SETX: variants seen among roughly 807,000 people sequenced by gnomAD.
SETX encodes the protein helicase senataxin.
SETX carries 90 observed loss-of-function variants against 227.2 expected under a neutral mutation model. The ratio of observed to expected loss-of-function variants is 0.40; its 90% CI spans 0.33 to 0.47. SETX has a LOEUF of 0.47. Among genes scored for constraint, SETX ranks in the 20% least tolerant of loss-of-function variants. The pLI, the probability that SETX is intolerant of heterozygous loss-of-function variation, is 0.91. For missense variants in SETX, 3,052 were observed against 3,181.5 expected, an observed-to-expected ratio of 0.96 and a Z score of 0.98; for synonymous variants, 1,210 against 1,113.2, an observed-to-expected ratio of 1.09 and a Z score of -1.73.
chr9:132,302,891 C>T (rs994823401), intron 11 of SETX, among the ~76,000 whole-genome samples: 1 of 152,074 alleles, frequency 6.6e-6, no homozygotes, highest in Non-Finnish European at 1.5e-5. Context: ...AAAAGCAGAC[C>T]TGCAATCAAG....
chr9:132,334,495 C>T, intron 7 of SETX, 113 bp downstream of exon 7: 1 of 1,227,732 alleles, frequency 8.1e-7, no homozygotes, highest in East Asian at 2.4e-5. Flanking sequence ...TATTACTAAA[C>T]CAGAAAAATT....
At chr9:132,273,921 TGA>T (rs1239528268) in intron 23 of SETX, among the ~76,000 whole-genome samples, 1 of 152,132 alleles carries the variant, frequency 6.6e-6, no homozygotes, top group Non-Finnish European at 1.5e-5. Context: ...ACGTTAGCTA[TGA>T]GTTTTTTGTA....
intron 9 of SETX, 28 bp downstream of exon 9, chr9:132,331,024 G>T (rs1160208260): frequency 1.3e-6 from 2 of 1,491,902 alleles, no homozygotes; most frequent in Non-Finnish European, 1.9e-6. Flanking sequence ...CAATAAAATA[G>T]CATCTGAATT....
chr9:132,327,417 G>C lies in SETX; in HGVS notation c.4181C>G (p.Ser1394Ter). ...SDIFVPESDRSDYNCTGGTEV... is the reference protein window; with the variant it reads ...SDIFVPESDR ...AGTTCCTCCTGTACAATTATAATCT[G>C]ACCTATCAGATTCTGGTACAAATAT... Residue 1394 changes from serine (S) to a stop codon, truncating the protein, a stop_gained, in exon 10 of 26, where the codon TCA (serine) becomes TGA (stop). Transcript: ENST00000224140. LOFTEE classifies it high-confidence loss of function. 1 of 1,614,128 alleles carries C rather than the reference G, an allele frequency of 6.2e-7. No individual in the cohort carries two copies. The highest frequency in any genetic ancestry group is 1.3e-5 in the African/African-American group (1 of 75,042).
rs538207621 is a variant in SETX at position 132,331,143 on chromosome 9, A to C, written c.1011-4T>G. The stretch of plus-strand genomic sequence containing the variant: ...GGACTCCGGTTCTAACTTGGTCCTT[A>C]AATATTAAGAATAAATAGAAATTAC... On this transcript the variant is annotated splice_polypyrimidine_tract_variant and splice_region_variant and intron_variant, in intron 8 of 25. Transcript: ENST00000224140. 10 of 1,612,240 alleles carry C rather than the reference A, an allele frequency of 6.2e-6. No individual in the cohort carries two copies. The East Asian group carries it at 1.8e-4, about 29-fold the overall frequency.
chr9:132,271,693 CAAT>C lies in SETX; in HGVS notation c.7199+14_7199+16del. 6.9e-6 allele frequency: 11 copies of C among 1,595,740 alleles called. No homozygotes were observed. The highest frequency in any genetic ancestry group is 9.5e-6 in the Non-Finnish European group (11 of 1,163,280). On this transcript the variant is annotated intron_variant, in intron 24 of 25. Transcript: ENST00000224140. ...AATGTATACAAGTATAAAAGAGCAA[CAAT>C]GACAGTAACTCACCCAATTGAACCT...
At chr9:132,350,289 G>A (rs1848535917) in intron 2 of SETX, among the ~76,000 whole-genome samples, 1 of 152,152 alleles carries the variant, frequency 6.6e-6, no homozygotes, top group Non-Finnish European at 1.5e-5. Flanking sequence ...GGCAGAGGTT[G>A]CAGTGAGCCA....
chr9:132,312,683 ATC>A (rs1328619935), intron 10 of SETX, among the ~76,000 whole-genome samples: 3 of 152,224 alleles, frequency 2.0e-5, no homozygotes, highest in African/African-American at 7.2e-5. Context: ...AATCTGTGTT[ATC>A]TGCTAGTAAG....
chr9:132,298,615 C>T (rs893206693), intron 12 of SETX, among the ~76,000 whole-genome samples: 1 of 152,064 alleles, frequency 6.6e-6, no homozygotes, highest in Non-Finnish European at 1.5e-5. Context: ...CCGAGAAGGT[C>T]TTCCTGATGA....
intron 10 of SETX, among the ~76,000 whole-genome samples, chr9:132,325,125 G>C (rs1258864737): frequency 2.0e-5 from 3 of 152,172 alleles, no homozygotes; most frequent in Non-Finnish European, 4.4e-5. Context: ...GGGAGGCCAA[G>C]GCGGGCAGAT....
At chr9:132,336,014 G>A (rs928690287) in intron 6 of SETX, among the ~76,000 whole-genome samples, 2 of 152,092 alleles carry the variant, frequency 1.3e-5, no homozygotes, top group East Asian at 3.9e-4. Flanking sequence ...GGCCAGGGTG[G>A]GCAGATCACT....
chr9:132,286,561 T>C, intron 17 of SETX, 67 bp from the exon 18 acceptor site: 1 of 1,062,458 alleles, frequency 9.4e-7, no homozygotes, highest in South Asian at 1.3e-5. Context: ...TCCAATGGAC[T>C]ACCTCTAATT....
intron 18 of SETX, among the ~76,000 whole-genome samples, chr9:132,285,708 C>T (rs1051143721): frequency 6.6e-6 from 1 of 150,520 alleles, no homozygotes; most frequent in African/African-American, 2.5e-5. Context: ...GGTGAAACCC[C>T]ATCTCTACTA....
intron 10 of SETX, among the ~76,000 whole-genome samples, chr9:132,316,686 T>C (rs1845988800): frequency 6.6e-6 from 1 of 152,198 alleles, no homozygotes; most frequent in Non-Finnish European, 1.5e-5. Flanking sequence ...CCCACTGATT[T>C]GTGATGTCCT....
chr9:132,277,717 G>A (rs928937800), intron 21 of SETX, among the ~76,000 whole-genome samples: 1 of 146,598 alleles, frequency 6.8e-6, no homozygotes, highest in African/African-American at 2.5e-5. Flanking sequence ...CTGGGAGGTC[G>A]AAGCTGCAGT....
chr9:132,300,229 G>A (rs1844910972), intron 12 of SETX, among the ~76,000 whole-genome samples: 2 of 151,890 alleles, frequency 1.3e-5, no homozygotes, highest in Non-Finnish European at 2.9e-5. Flanking sequence ...ATTACCTAGG[G>A]AGAAACATAC....
At chr9:132,332,773 T>C (rs938522115) in intron 7 of SETX, among the ~76,000 whole-genome samples, 1 of 151,870 alleles carries the variant, frequency 6.6e-6, no homozygotes, top group East Asian at 1.9e-4. Flanking sequence ...ATTTAAAAAT[T>C]AGCTGGGTAA....
intron 3 of SETX, among the ~76,000 whole-genome samples, chr9:132,347,253 A>C (rs1275566514): frequency 6.6e-6 from 1 of 152,010 alleles, no homozygotes; most frequent in African/African-American, 2.4e-5. Flanking sequence ...ACTCCATCTC[A>C]AACAAAAAAC....
intron 7 of SETX, among the ~76,000 whole-genome samples, chr9:132,333,161 A>G (rs934326831): frequency 2.0e-5 from 3 of 150,998 alleles, no homozygotes; most frequent in Non-Finnish European, 4.4e-5. Flanking sequence ...GGCGGATCAC[A>G]TGAGACCAGG....
Sources: gnomAD v4.1 joint callset for allele counts (sites outside exome capture counted in the v4.1 genomes callset) on GRCh38, gnomAD v4.1.1 for gene constraint, MANE v1.5 for transcripts, NCBI Gene and HGNC (gene_info 2026-07-23, HGNC 2026-07-21) for gene names.